Variants in FAM131A observed in about 807,000 individuals in gnomAD.
The protein encoded by FAM131A is family with sequence similarity 131 member A.
A neutral mutation model predicts 39.2 loss-of-function variants in FAM131A; 24 were observed. That is an observed-to-expected ratio of 0.61 (90% CI 0.44 to 0.86). The LOEUF (loss-of-function observed/expected upper bound fraction) is 0.86, where lower values mean the gene tolerates loss of function less well. Ranked by LOEUF, FAM131A falls within the 40% of genes least tolerant of loss-of-function variation. The probability of loss-of-function intolerance (pLI) is 0.00; values close to 1 mark genes in which losing one functional copy is unlikely to be tolerated. For synonymous variants in FAM131A, 202 were observed against 206.8 expected (o/e 0.98, Z 0.20); for missense variants, 373 against 481.2 (o/e 0.78, Z 2.10).
Position 184,341,721 on chromosome 3 carries a change from A to G in FAM131A, c.232-3A>G, listed in dbSNP as rs750513043. 2 of 1,605,636 alleles carry G rather than the reference A, an allele frequency of 1.2e-6. No homozygotes were observed. The highest frequency in any genetic ancestry group is 2.7e-5 in the African/African-American group (2 of 74,900). On this transcript the variant is annotated splice_region_variant and splice_polypyrimidine_tract_variant and intron_variant, in intron 2 of 5. Transcript: ENST00000383847. ...CACTGACTTTCTAATGGTGTTACCCAAGGTGAATGTTGGAGACACAGTCGC... is the reference window on the plus strand; with the variant it reads ...CACTGACTTTCTAATGGTGTTACCCGAGGTGAATGTTGGAGACACAGTCGC...
Position 184,342,060 on chromosome 3 carries a change from C to T in FAM131A, c.326-6C>T, listed in dbSNP as rs1727410730. ...ACCAGGCTTCTCCACCCTCCCCTAT[C>T]TCCAGGTATTTCCCAGGTGGTGAAG... On this transcript the variant is annotated splice_region_variant and splice_polypyrimidine_tract_variant and intron_variant, in intron 3 of 5. Transcript: ENST00000383847. The surrounding 1 kb of genome is among the most constrained non-coding windows in gnomAD (Gnocchi z 4.6). 1.2e-6 allele frequency: 2 copies of T among 1,614,218 alleles called. No individual in the cohort carries two copies. Among genetic ancestry groups the T allele is most frequent in the East Asian group, 4.5e-5 (2 of 44,880 alleles).
At position 184,345,056 on chromosome 3, in the gene FAM131A, C is replaced by T. The variant is rs757638263; in HGVS notation, c.*86C>T. Reference sequence around the variant, plus strand: ...TGCCCAAGTGTGGGCTCAAGGCTCCCAGCAGAGCTCCACAGCCTAGAGGGC... The same window carrying T: ...TGCCCAAGTGTGGGCTCAAGGCTCCTAGCAGAGCTCCACAGCCTAGAGGGC... On this transcript the variant is annotated 3_prime_UTR_variant, in exon 6 of 6. Coordinates refer to ENST00000383847, the MANE Select transcript of FAM131A (RefSeq NM_144635.5). 10 of 1,264,560 alleles carry T rather than the reference C, an allele frequency of 7.9e-6. No individual in the cohort carries two copies. The highest frequency in any genetic ancestry group is 1.1e-5 in the Non-Finnish European group (10 of 941,626). The allele number at this position is 1,264,560 out of a possible 1,614,324, so 78.3% of individuals were successfully genotyped here. A position where few individuals can be genotyped will look rare whatever the true frequency, so the allele number is the denominator to read the frequency against.
chr3:184,345,812 G>A lies in FAM131A; in HGVS notation c.*842G>A. ...GATGGCTCTGGTTGCCACAGAGCTG[G>A]GACTTCATGTTCTTCTAGAGAGGGC... On this transcript the variant is annotated 3_prime_UTR_variant, in exon 6 of 6. Coordinates refer to ENST00000383847, the MANE Select transcript of FAM131A (RefSeq NM_144635.5). The A allele has an allele frequency of 3.6e-6, 2 of 558,954 alleles. No individual in the cohort carries two copies. Among genetic ancestry groups the A allele is most frequent in the Non-Finnish European group, 6.3e-6 (2 of 318,756 alleles). The allele number at this position is 558,954 out of a possible 1,614,324, so 34.6% of individuals were successfully genotyped here.
rs543561165 is a variant in FAM131A, at chr3:184,342,722, A to T, written c.509-22A>T. ...TAGACTTAGCTCACCTTCTCTGCTTATGCATTCTGTCCCTGCGACAGGAGT... is the reference window on the plus strand; with the variant it reads ...TAGACTTAGCTCACCTTCTCTGCTTTTGCATTCTGTCCCTGCGACAGGAGT... On this transcript the variant is annotated intron_variant, in intron 4 of 5. Coordinates refer to ENST00000383847, the MANE Select transcript of FAM131A (RefSeq NM_144635.5). This position sits in a 1 kb window ranked among gnomAD's most constrained non-coding sequence, Gnocchi z 4.6. 9 of 1,602,638 alleles carry T rather than the reference A, an allele frequency of 5.6e-6. No homozygotes were observed. The highest frequency in any genetic ancestry group is 1.7e-6 in the Non-Finnish European group (2 of 1,170,770).
rs1301820865 is a variant in FAM131A, at chr3:184,342,507, C to T, written c.509-237C>T. ...AGTTTTAGTAGAGATGGGGTTTCAC[C>T]GTCTAGGCCAGGCTGGTCTTGAACT... is the stretch of plus-strand genomic sequence containing the variant. On this transcript the variant is annotated intron_variant, in intron 4 of 5. Transcript: ENST00000383847. The surrounding 1 kb of genome is among the most constrained non-coding windows in gnomAD (Gnocchi z 4.6). 2.0e-5 allele frequency among the ~76,000 whole-genome samples: 3 copies of T among 152,122 alleles called. No homozygotes were observed. Among genetic ancestry groups the T allele is most frequent in the Non-Finnish European group, 2.9e-5 (2 of 68,022 alleles).
At position 184,344,478 on chromosome 3, in the gene FAM131A, T is replaced by G; in HGVS notation, c.626-17T>G. 1 of 1,514,798 alleles carries G rather than the reference T, an allele frequency of 6.6e-7. No individual in the cohort carries two copies. Among genetic ancestry groups the G allele is most frequent in the East Asian group, 2.3e-5 (1 of 43,912 alleles). The allele number at this position is 1,514,798 out of a possible 1,614,324, so 93.8% of individuals were successfully genotyped here. On this transcript the variant is annotated splice_polypyrimidine_tract_variant and intron_variant, in intron 5 of 5. Transcript: ENST00000383847. ...ATGGAGCCAGCAGGACTGTCTTCTT[T>G]TCTCTTCTCCTCACAGACATGGCTG...
chr3:184,338,650 T>TCCGGCGGCGGGCCGGGAGG (rs1168691978), intron 2 of FAM131A, 121 bp downstream of exon 2: 1 of 1,371,982 alleles, frequency 7.3e-7, no homozygotes, highest in Non-Finnish European at 9.7e-7. Context: ...GGAGGCGCTA[T>TCCGGCGGCGGGCCGGGAGG]CCGGCGGCGG....
chr3:184,345,113 T>G lies in FAM131A; in HGVS notation c.*143T>G. ...GAGCGCTCGCTTCTCCGTTGTGTGTTTTGCATGAAAGTGTTTGGAGAGGAG... is the reference window on the plus strand; with the variant it reads ...GAGCGCTCGCTTCTCCGTTGTGTGTGTTGCATGAAAGTGTTTGGAGAGGAG... On this transcript the variant is annotated 3_prime_UTR_variant, in exon 6 of 6. Coordinates refer to ENST00000383847, the MANE Select transcript of FAM131A (RefSeq NM_144635.5). 1.2e-6 allele frequency: 1 copy of G among 819,472 alleles called. No homozygotes were observed. The highest frequency in any genetic ancestry group is 3.2e-5 in the Admixed American group (1 of 31,298). 50.8% of individuals were successfully genotyped at this position (819,472 alleles called of 1,614,324 possible).
upstream of FAM131A, among the ~76,000 whole-genome samples, chr3:184,336,868 A>G (rs1405685088): frequency 6.6e-6 from 1 of 152,186 alleles, no homozygotes; most frequent in Non-Finnish European, 1.5e-5. This position sits in a 1 kb window ranked among gnomAD's most constrained non-coding sequence, Gnocchi z 5.5. Flanking sequence ...GTGGCCATGC[A>G]CACCGGGCCT....
At chr3:184,343,931 G>A (rs898067445) in intron 5 of FAM131A, among the ~76,000 whole-genome samples, 4 of 152,228 alleles carry the variant, frequency 2.6e-5, no homozygotes, top group Non-Finnish European at 5.9e-5. Context: ...GTTGTGCGAT[G>A]AGCAACCTGT....
In FAM131A at chr3:184,337,719, G is replaced by A; in HGVS notation, c.88+1G>A. 1 of 1,537,246 alleles carries A rather than the reference G, an allele frequency of 6.5e-7. No homozygotes were observed. Among genetic ancestry groups the A allele is most frequent in the Non-Finnish European group, 8.7e-7 (1 of 1,146,856 alleles). ...TGGACTTGTCAGACAAGTCGCAGAG[G>A]TGAGACCAGGGATCATGGATGTGAT... On this transcript the variant is annotated splice_donor_variant, in intron 1 of 5. Coordinates refer to ENST00000383847, the MANE Select transcript of FAM131A (RefSeq NM_144635.5). LOFTEE classifies it high-confidence loss of function.
intron 2 of FAM131A, 79 bp from the exon 3 acceptor site, chr3:184,341,645 C>A (rs1727384113): frequency 1.7e-6 from 2 of 1,196,236 alleles, no homozygotes; most frequent in Non-Finnish European, 2.4e-6. Flanking sequence ...CCTCCTCATG[C>A]CTTTGCTGGG....
At position 184,342,255 on chromosome 3, in the gene FAM131A, G is replaced by A; in HGVS notation, c.508+7G>A. 12 of 1,597,406 alleles carry A rather than the reference G, an allele frequency of 7.5e-6. No individual in the cohort carries two copies. The highest frequency in any genetic ancestry group is 1.0e-5 in the Non-Finnish European group (12 of 1,170,010). ...GAGGCTCGCTTTGCAGCAGGTGGAT[G>A]GCAGAAAGGGGATAAGCTACACTCT... On this transcript the variant is annotated splice_region_variant and intron_variant, in intron 4 of 5. Transcript: ENST00000383847. This position sits in a 1 kb window ranked among gnomAD's most constrained non-coding sequence, Gnocchi z 4.6.
chr3:184,345,665 CCCT>C lies in FAM131A; in HGVS notation c.*696_*698del. 1.5e-6 allele frequency: 1 copy of C among 675,346 alleles called. No homozygotes were observed. The highest frequency in any genetic ancestry group is 1.6e-5 in the South Asian group (1 of 62,294). The allele number at this position is 675,346 out of a possible 1,614,324, so 41.8% of individuals were successfully genotyped here. A position where few individuals can be genotyped will look rare whatever the true frequency, so the allele number is the denominator to read the frequency against. On this transcript the variant is annotated 3_prime_UTR_variant, in exon 6 of 6. Transcript: ENST00000383847. ...TGTACCCTCCACCCTTTTCCTGGCC[CCCT>C]AATGGGGCCTGGGCCCTTTCCCAAC... is the stretch of plus-strand genomic sequence containing the variant.
At chr3:184,341,624 A>T (rs1727382320) in intron 2 of FAM131A, 100 bp from the exon 3 acceptor site, 1 of 919,576 alleles carries the variant, frequency 1.1e-6, no homozygotes, top group South Asian at 1.4e-5. Context: ...GTTCCTTCCT[A>T]GCTCCTGTCT....
At position 184,345,721 on chromosome 3, in the gene FAM131A, T is replaced by G; in HGVS notation, c.*751T>G. 1.7e-6 allele frequency: 1 copy of G among 602,014 alleles called. No individual in the cohort carries two copies. Among genetic ancestry groups the G allele is most frequent in the East Asian group, 2.8e-5 (1 of 35,216 alleles). The allele number at this position is 602,014 out of a possible 1,614,324, so 37.3% of individuals were successfully genotyped here. ...CTCCTAGGATGTGCGGGCAGTGTGC[T>G]GGCGCCTCACAGCCAGCCGGGCTGC... On this transcript the variant is annotated 3_prime_UTR_variant, in exon 6 of 6. Coordinates refer to ENST00000383847, the MANE Select transcript of FAM131A (RefSeq NM_144635.5).
upstream of FAM131A, chr3:184,337,578 G>A (rs1727176678): frequency 8.0e-5 from 120 of 1,505,972 alleles, no homozygotes; most frequent in South Asian, 1.1e-3. Flanking sequence ...AGAACTGGGA[G>A]CTGAGCCTGG....
chr3:184,340,863 G>A (rs150193018), intron 2 of FAM131A: 1 of 152,350 alleles, frequency 6.6e-6, no homozygotes, highest in Non-Finnish European at 1.5e-5. Context: ...CTACCAAGAG[G>A]GGGGCCAGGA....
chr3:184,335,944 T>G (rs1176581859), upstream of FAM131A: 1 of 152,246 alleles, frequency 6.6e-6, no homozygotes, highest in Admixed American at 6.5e-5. Context: ...CCCGGTTCCC[T>G]CTCCGGGGAG....
Sources: gnomAD v4.1 joint callset for allele counts (sites outside exome capture counted in the v4.1 genomes callset) on GRCh38, gnomAD v4.1.1 for gene constraint, Gnocchi (gnomAD v3.1) non-coding constraint, MANE v1.5 for transcripts, NCBI Gene and HGNC (gene_info 2026-07-23, HGNC 2026-07-21) for gene names.